The following RSU1 variants were observed in gnomAD, a reference collection of about 807,000 sequenced individuals.
The protein encoded by RSU1 is rsu-1.
RSU1 carries 26 observed loss-of-function variants against 31.1 expected under a neutral mutation model. That is an observed-to-expected ratio of 0.84 (90% CI 0.61 to 1.16). The LOEUF is 1.16. Among genes scored for constraint, RSU1 ranks in the 50% most tolerant of loss-of-function variants. RSU1 has a pLI of 0.00. For missense variants in RSU1, 320 were observed against 339.1 expected (o/e 0.94, Z 0.44); for synonymous variants, 164 against 136.3 (o/e 1.20, Z -1.41).
intron 8 of RSU1, among the ~76,000 whole-genome samples, chr10:16,642,961 G>A (rs1834471345): frequency 6.6e-6 from 1 of 152,136 alleles, no homozygotes; most frequent in Non-Finnish European, 1.5e-5. Flanking sequence ...ATTTTAAGAG[G>A]TGAAATGTTA....
intron 3 of RSU1, among the ~76,000 whole-genome samples, chr10:16,770,456 C>T (rs997963574): frequency 1.3e-5 from 2 of 152,160 alleles, no homozygotes; most frequent in African/African-American, 2.4e-5. Context: ...GCTTTCCCTC[C>T]GCAGCACAGG....
rs766886235 is a variant in RSU1, at chr10:16,712,367, T to C, written c.599-17212A>G. On this transcript the variant is annotated intron_variant, in intron 7 of 8. Coordinates refer to ENST00000345264, the MANE Select transcript of RSU1 (RefSeq NM_012425.4). The stretch of plus-strand genomic sequence containing the variant: ...ATAAAAATTTATTCCTGCCATATTG[T>C]TGTTTTCTGCTTGTTTTGTAGATCC... Among the ~76,000 whole-genome samples, 70 of 152,300 alleles carry C rather than the reference T, an allele frequency of 4.6e-4. No homozygotes were observed. In the Middle Eastern group the frequency reaches 0.01, roughly 22 times the overall value.
chr10:16,717,060 CT>C (rs1836156659), intron 7 of RSU1, among the ~76,000 whole-genome samples: 1 of 152,154 alleles, frequency 6.6e-6, no homozygotes, highest in African/African-American at 2.4e-5. Context: ...ACGAAATTAA[CT>C]TTATTTTTTT....
intron 8 of RSU1, among the ~76,000 whole-genome samples, chr10:16,673,357 T>G (rs1285347846): frequency 6.6e-6 from 1 of 152,256 alleles, no homozygotes; most frequent in African/African-American, 2.4e-5. Flanking sequence ...CTACAAATTT[T>G]TCTTTTTACT....
intron 8 of RSU1, among the ~76,000 whole-genome samples, chr10:16,690,648 G>A (rs145068481): frequency 6.6e-6 from 1 of 152,148 alleles, no homozygotes; most frequent in African/African-American, 2.4e-5. Flanking sequence ...GTCCATTAGA[G>A]CCTATAAATC....
At position 16,753,608 on chromosome 10, in the gene RSU1, C is replaced by A. The variant is rs527917119; in HGVS notation, c.401-608G>T. 2.0e-5 allele frequency among the ~76,000 whole-genome samples: 3 copies of A among 152,246 alleles called. No homozygotes were observed. The South Asian group carries it at 6.2e-4, about 32-fold the overall frequency. The stretch of plus-strand genomic sequence containing the variant: ...GGCTAAAATAATGACATGAAGTTAA[C>A]AGAGTAAATCCTAACTTAAGGAGAA... On this transcript the variant is annotated intron_variant, in intron 5 of 8. Coordinates refer to ENST00000345264, the MANE Select transcript of RSU1 (RefSeq NM_012425.4).
chr10:16,596,599 G>A lies in RSU1; in HGVS notation c.732-3103C>T, dbSNP rs57488632. Among the ~76,000 whole-genome samples, 417 of 152,326 alleles carry A rather than the reference G, an allele frequency of 2.7e-3. 1 individual carries two copies. Among genetic ancestry groups the A allele is most frequent in the African/African-American group, 9.5e-3 (396 of 41,578 alleles). ...GGCACCTACGGCCTAGGTAGCTTCA[G>A]CTACACACACAGCTTCCTTCCAGCC... is the stretch of plus-strand genomic sequence containing the variant. On this transcript the variant is annotated intron_variant, in intron 8 of 8. Coordinates refer to ENST00000345264, the MANE Select transcript of RSU1 (RefSeq NM_012425.4).
intron 7 of RSU1, among the ~76,000 whole-genome samples, chr10:16,744,177 A>C (rs928858174): frequency 3.9e-5 from 6 of 152,052 alleles, no homozygotes; most frequent in Admixed American, 2.6e-4. Context: ...ATAAGAGCTG[A>C]ACTACTTTGT....
chr10:16,762,796 T>C (rs1233382059), intron 4 of RSU1, among the ~76,000 whole-genome samples: 1 of 151,974 alleles, frequency 6.6e-6, no homozygotes, highest in Non-Finnish European at 1.5e-5. Flanking sequence ...CAGACGGACA[T>C]GAGGTCAAGA....
At chr10:16,624,350 T>A (rs143332256) in intron 8 of RSU1, among the ~76,000 whole-genome samples, 44 of 152,160 alleles carry the variant, frequency 2.9e-4, no homozygotes, top group African/African-American at 1.0e-3. Context: ...TGCCCTAACC[T>A]CTTTCCTTCC....
chr10:16,720,807 G>A (rs1051432851), intron 7 of RSU1, among the ~76,000 whole-genome samples: 16 of 152,070 alleles, frequency 1.1e-4, no homozygotes, highest in African/African-American at 2.4e-4. Flanking sequence ...GCACCATGGC[G>A]AAACCCCACG....
In RSU1 at chr10:16,785,511, C is replaced by T. The variant is rs867357344; in HGVS notation, c.110-3427G>A. ...ATACATATATATATACACATATATA[C>T]ATATATATATATATAATATTAGTTC... On this transcript the variant is annotated intron_variant, in intron 2 of 8. Transcript: ENST00000345264. 9.7e-5 allele frequency among the ~76,000 whole-genome samples: 13 copies of T among 133,734 alleles called. No individual in the cohort carries two copies. In the East Asian group the frequency reaches 1.9e-3, roughly 20 times the overall value. 87.7% of individuals were successfully genotyped at this position (133,734 alleles called of 152,430 possible).
chr10:16,696,881 C>T (rs929809968), intron 7 of RSU1, among the ~76,000 whole-genome samples: 2 of 151,918 alleles, frequency 1.3e-5, no homozygotes, highest in Non-Finnish European at 2.9e-5. Flanking sequence ...TTTTAGAGTC[C>T]CAAGAATGAA....
At chr10:16,599,583 G>A (rs1217396713) in intron 8 of RSU1, among the ~76,000 whole-genome samples, 1 of 152,188 alleles carries the variant, frequency 6.6e-6, no homozygotes, top group Non-Finnish European at 1.5e-5. Context: ...CCCACAGTCT[G>A]ATGTCTCCAT....
Position 16,816,965 on chromosome 10 carries a change from G to C in RSU1, c.109+8C>G. 1 of 1,598,134 alleles carries C rather than the reference G, an allele frequency of 6.3e-7. No homozygotes were observed. Among genetic ancestry groups the C allele is most frequent in the East Asian group, 2.2e-5 (1 of 44,788 alleles). ...TCATCCACGGGAGAGTCCTGCCCGA[G>C]AACTCACAGAGGCCGTTGACATCCA... is the stretch of plus-strand genomic sequence containing the variant. On this transcript the variant is annotated splice_region_variant and intron_variant, in intron 2 of 8. Transcript: ENST00000345264.
chr10:16,749,368 C>T (rs1476233033), intron 7 of RSU1, among the ~76,000 whole-genome samples: 1 of 152,102 alleles, frequency 6.6e-6, no homozygotes, highest in African/African-American at 2.4e-5. Flanking sequence ...GGCTCAAATA[C>T]CAGTACCAAA....
chr10:16,746,046 A>T lies in RSU1; in HGVS notation c.598+6493T>A, dbSNP rs1202979440. ...GTCCACAGGAAAAGGATTAAGAGAT[A>T]TAACAAGAGATTTTTGACTGTACAT... On this transcript the variant is annotated intron_variant, in intron 7 of 8. Transcript: ENST00000345264. Among the ~76,000 whole-genome samples, 2 of 152,238 alleles carry T rather than the reference A, an allele frequency of 1.3e-5. 1 individual carries two copies. Among genetic ancestry groups the T allele is most frequent in the East Asian group, 3.8e-4 (2 of 5,208 alleles).
intron 7 of RSU1, among the ~76,000 whole-genome samples, chr10:16,722,437 C>T (rs1836285596): frequency 1.3e-5 from 2 of 152,100 alleles, no homozygotes; most frequent in Non-Finnish European, 1.5e-5. Flanking sequence ...GTGGTGTCAT[C>T]GACCTAAGCA....
chr10:16,701,963 A>G (rs527255232), intron 7 of RSU1, among the ~76,000 whole-genome samples: 1 of 152,360 alleles, frequency 6.6e-6, no homozygotes, highest in African/African-American at 2.4e-5. Context: ...TAAACCTGGC[A>G]TTCATTTAGG....
Sources: gnomAD v4.1 joint callset for allele counts (sites outside exome capture counted in the v4.1 genomes callset) on GRCh38, gnomAD v4.1.1 for gene constraint, MANE v1.5 for transcripts, NCBI Gene and HGNC (gene_info 2026-07-23, HGNC 2026-07-21) for gene names.